The following RC3H1 variants were observed in gnomAD, a reference collection of about 807,000 sequenced individuals.
RC3H1 encodes roquin-1.
In RC3H1, 50 loss-of-function variants were observed where a neutral mutation model predicts 138.2. That is an observed-to-expected ratio of 0.36 (90% CI 0.29 to 0.46). The LOEUF is 0.46. Ranked by LOEUF, RC3H1 falls within the 20% of genes least tolerant of loss-of-function variation. The pLI is 1.00. For missense variants in RC3H1, 1,031 were observed against 1,388.1 expected (o/e 0.74, Z 4.09); for synonymous variants, 462 against 489.1 (o/e 0.94, Z 0.73).
chr1:174,011,914 C>T (rs769928664), intron 1 of RC3H1, among the ~76,000 whole-genome samples: 6 of 152,016 alleles, frequency 3.9e-5, no homozygotes, highest in Admixed American at 3.9e-4. Context: ...TAGTTTTTGT[C>T]ATCTAAAATG....
At chr1:173,987,673 T>C (rs1466007435) in intron 2 of RC3H1, among the ~76,000 whole-genome samples, 3 of 152,222 alleles carry the variant, frequency 2.0e-5, no homozygotes, top group Non-Finnish European at 4.4e-5. Flanking sequence ...TGGGGTGTTG[T>C]TCCTTCTAGG....
intron 1 of RC3H1, among the ~76,000 whole-genome samples, chr1:174,011,545 G>A (rs1203103225): frequency 2.6e-5 from 4 of 151,488 alleles, no homozygotes; most frequent in African/African-American, 7.3e-5. Flanking sequence ...TACTTTTTAA[G>A]AGTCTCCACA....
At chr1:173,982,342 C>T (rs888417055) in intron 5 of RC3H1, among the ~76,000 whole-genome samples, 5 of 152,112 alleles carry the variant, frequency 3.3e-5, no homozygotes, top group African/African-American at 1.2e-4. Flanking sequence ...TCATGCACTG[C>T]ACTCCAGCCT....
At chr1:174,013,931 C>T (rs1020723868) in intron 1 of RC3H1, among the ~76,000 whole-genome samples, 1 of 151,928 alleles carries the variant, frequency 6.6e-6, no homozygotes, top group African/African-American at 2.4e-5. Flanking sequence ...GACGAAGAGA[C>T]CTAAATGCAT....
intron 13 of RC3H1, among the ~76,000 whole-genome samples, chr1:173,959,078 T>C (rs1050992754): frequency 6.6e-6 from 1 of 152,156 alleles, no homozygotes; most frequent in African/African-American, 2.4e-5. Flanking sequence ...GTCAAGAATA[T>C]GTGTTATCAT....
At chr1:174,020,554 C>G (rs1462225100) in intron 1 of RC3H1, among the ~76,000 whole-genome samples, 1 of 152,164 alleles carries the variant, frequency 6.6e-6, no homozygotes, top group African/African-American at 2.4e-5. Flanking sequence ...CAACCTATAA[C>G]CCTTAGGCCT....
intron 1 of RC3H1, among the ~76,000 whole-genome samples, chr1:174,010,230 T>TGTATCTATA (rs1193730341): frequency 6.6e-6 from 1 of 152,144 alleles, no homozygotes; most frequent in Non-Finnish European, 1.5e-5. Flanking sequence ...AATTACCTCT[T>TGTATCTATA]GTATCTATAA....
chr1:173,962,816 G>C (rs556510862), intron 11 of RC3H1, among the ~76,000 whole-genome samples: 1 of 152,236 alleles, frequency 6.6e-6, no homozygotes, highest in African/African-American at 2.4e-5. Context: ...AAAAAGAGTT[G>C]CATTTTTTCC....
chr1:173,964,279 C>A, intron 10 of RC3H1, 92 bp from the exon 11 acceptor site: 1 of 1,013,142 alleles, frequency 9.9e-7, no homozygotes, highest in Admixed American at 2.1e-5. Context: ...ATTTGGGAAA[C>A]TCACTTATTC....
intron 2 of RC3H1, among the ~76,000 whole-genome samples, chr1:173,989,829 C>T (rs1247736996): frequency 1.3e-5 from 2 of 149,796 alleles, no homozygotes; most frequent in Non-Finnish European, 3.0e-5. Flanking sequence ...CGGGTTCACG[C>T]CATTCTCCTG....
At chr1:173,946,129 A>G (rs1652128302) in intron 17 of RC3H1, among the ~76,000 whole-genome samples, 1 of 151,972 alleles carries the variant, frequency 6.6e-6, no homozygotes, top group African/African-American at 2.4e-5. Flanking sequence ...AGATCACGCC[A>G]CCTCACTCCA....
At chr1:173,988,507 AT>A (rs1344987872) in intron 2 of RC3H1, among the ~76,000 whole-genome samples, 2 of 152,176 alleles carry the variant, frequency 1.3e-5, no homozygotes, top group African/African-American at 4.8e-5. Context: ...AACTGCTTCC[AT>A]TTTTTGGCAA....
At chr1:173,968,909 A>T (rs1278327345) in intron 9 of RC3H1, among the ~76,000 whole-genome samples, 2 of 132,050 alleles carry the variant, frequency 1.5e-5, no homozygotes, top group Non-Finnish European at 3.0e-5. Flanking sequence ...TTCAGGCTGG[A>T]GTGCTACGGT....
At chr1:173,978,812 C>T (rs969198912) in intron 6 of RC3H1, among the ~76,000 whole-genome samples, 192 bp from the exon 7 acceptor site, 2 of 152,166 alleles carry the variant, frequency 1.3e-5, no homozygotes, top group Admixed American at 1.3e-4. Flanking sequence ...GAGCTTGGCA[C>T]ATTGTGTACT....
chr1:173,940,365 A>G (rs1357647604), intron 19 of RC3H1, among the ~76,000 whole-genome samples: 4 of 151,754 alleles, frequency 2.6e-5, no homozygotes, highest in African/African-American at 4.8e-5. Context: ...CAGCTACTCG[A>G]GAGGCTAAGG....
intron 14 of RC3H1, among the ~76,000 whole-genome samples, chr1:173,950,385 C>T (rs113600114): frequency 2.2e-4 from 32 of 143,202 alleles, no homozygotes; most frequent in African/African-American, 8.3e-4. Flanking sequence ...ACCAGCCTGT[C>T]CTACCCAGGC....
chr1:173,938,964 T>C (rs1572107229), intron 19 of RC3H1, 93 bp from the exon 20 acceptor site: 2 of 960,136 alleles, frequency 2.1e-6, no homozygotes, highest in East Asian at 5.5e-5. Context: ...TGATTGAAAA[T>C]ATATAAATGG....
rs1491117792 is a variant in RC3H1, at chr1:173,936,777, TTA to T, written c.*1942_*1943del. 2.1e-4 allele frequency: 21 copies of T among 99,948 alleles called. No individual in the cohort carries two copies. Among genetic ancestry groups the T allele is most frequent in the East Asian group, 8.0e-4 (3 of 3,742 alleles). 6.2% of individuals were successfully genotyped at this position (99,948 alleles called of 1,614,324 possible). A position where few individuals can be genotyped will look rare whatever the true frequency, so the allele number is the denominator to read the frequency against. On this transcript the variant is annotated 3_prime_UTR_variant, in exon 20 of 20. Coordinates refer to ENST00000367696, the MANE Select transcript of RC3H1 (RefSeq NM_172071.4). Reference sequence around the variant, plus strand: ...TATATATATATTTTTTTTTTTTTTTTTAAAAAAAGAAGACAAATGTATAAGAA... The same window carrying T: ...TATATATATATTTTTTTTTTTTTTTTAAAAAAGAAGACAAATGTATAAGAA...
At position 173,946,480 on chromosome 1, in the gene RC3H1, A is replaced by T. The variant is rs1279615245; in HGVS notation, c.2957T>A (p.Leu986Gln). ...AATGGCTCTCTAGGCTGGTACCTCT[A>T]GTCCACGTAGCTGGGTCTGCTGGCT... is the stretch of plus-strand genomic sequence containing the variant. ...QISQQTQLRG[L>Q]EAVSNRLVLQ... Residue 986 changes from leucine (L) to glutamine (Q), a missense_variant, in exon 17 of 20, where the codon CTA becomes CAA. By Grantham distance (113) the Leu-to-Gln change is moderately radical. This residue lies in a region of RC3H1 where 716 missense variants were observed against 837.9 expected (regional missense o/e 0.85). Transcript: ENST00000367696. 2 of 1,613,640 alleles carry T rather than the reference A, an allele frequency of 1.2e-6. No individual in the cohort carries two copies. The highest frequency in any genetic ancestry group is 1.7e-6 in the Non-Finnish European group (2 of 1,179,858).
Sources: allele counts gnomAD v4.1 joint callset (sites outside exome capture counted in the v4.1 genomes callset), GRCh38; gene constraint gnomAD v4.1.1; regional missense constraint gnomAD v4.1.1; transcripts MANE v1.5; gene names NCBI Gene and HGNC (gene_info 2026-07-23, HGNC 2026-07-21).